Variants in SGIP1 observed in about 807,000 individuals in gnomAD.
SGIP1 encodes the protein SH3-containing GRB2-like protein 3-interacting protein 1.
SGIP1 carries 38 observed loss-of-function variants against 107.5 expected under a neutral mutation model. The ratio of observed to expected loss-of-function variants is 0.35; its 90% CI spans 0.27 to 0.46. SGIP1 has a LOEUF of 0.46. Among genes scored for constraint, SGIP1 ranks in the 20% least tolerant of loss-of-function variants. The pLI is 1.00. For missense variants in SGIP1, 929 were observed against 1,019.5 expected (o/e 0.91, Z 1.21); for synonymous variants, 365 against 366.1 (o/e 1.00, Z 0.03).
chr1:66,559,136 A>G (rs1315276712), intron 1 of SGIP1, among the ~76,000 whole-genome samples: 1 of 152,026 alleles, frequency 6.6e-6, no homozygotes, highest in Non-Finnish European at 1.5e-5. Context: ...ATGCTTCTTC[A>G]AATTTTGTGT....
rs557667635 is a variant in SGIP1 at position 66,748,832 on chromosome 1, T to G, written c.*5737T>G. ...GTCCTATACTATAATTCTCTCTCCT[T>G]GGACATTGACAATAAATGTTAGTGT... On this transcript the variant is annotated 3_prime_UTR_variant, in exon 25 of 25. Coordinates refer to ENST00000371037, the MANE Select transcript of SGIP1 (RefSeq NM_032291.4). Among the ~76,000 whole-genome samples, 1 of 152,124 alleles carries G rather than the reference T, an allele frequency of 6.6e-6. No homozygotes were observed. Among genetic ancestry groups the G allele is most frequent in the East Asian group, 1.9e-4 (1 of 5,186 alleles).
chr1:66,723,124 T>C (rs1572261908), intron 19 of SGIP1, among the ~76,000 whole-genome samples: 2 of 152,320 alleles, frequency 1.3e-5, no homozygotes, highest in East Asian at 3.9e-4. Context: ...TAATTGCTCT[T>C]CCTTTATCAC....
chr1:66,678,161 A>G (rs992870122), intron 13 of SGIP1, among the ~76,000 whole-genome samples: 1 of 152,234 alleles, frequency 6.6e-6, no homozygotes, highest in Non-Finnish European at 1.5e-5. Context: ...ATGATTTTGA[A>G]TGTTTTCCCC....
chr1:66,624,326 A>T (rs941914689), intron 1 of SGIP1, among the ~76,000 whole-genome samples: 5 of 152,230 alleles, frequency 3.3e-5, no homozygotes, highest in Non-Finnish European at 7.3e-5. Flanking sequence ...GAAGTTTTTA[A>T]TAAACAAAAT....
chr1:66,660,850 C>T (rs925545340), intron 8 of SGIP1, among the ~76,000 whole-genome samples: 1 of 152,168 alleles, frequency 6.6e-6, no homozygotes, highest in African/African-American at 2.4e-5. Flanking sequence ...AGTCAAGCTA[C>T]TTATACATAT....
intron 1 of SGIP1, among the ~76,000 whole-genome samples, chr1:66,614,748 C>T (rs2068795396): frequency 6.6e-6 from 1 of 151,474 alleles, no homozygotes. Context: ...TACCTCTCTG[C>T]CTCCACATGG....
chr1:66,556,933 G>T (rs1198459736), intron 1 of SGIP1, among the ~76,000 whole-genome samples: 1 of 152,082 alleles, frequency 6.6e-6, no homozygotes, highest in Non-Finnish European at 1.5e-5. Context: ...TATGTTTTCT[G>T]AATTCTTGCT....
chr1:66,584,941 C>T (rs941870307), intron 1 of SGIP1, among the ~76,000 whole-genome samples: 2 of 152,112 alleles, frequency 1.3e-5, no homozygotes, highest in East Asian at 1.9e-4. Context: ...GCTAAGTATA[C>T]CACCCTTCTC....
At chr1:66,672,684 C>T (rs10889641) in intron 11 of SGIP1, among the ~76,000 whole-genome samples, 100,995 of 151,914 alleles carry the variant, frequency 0.66, 34,695 homozygotes, top group East Asian at 1. Flanking sequence ...GAGTAATAAT[C>T]AAGAGAAGGG....
Position 66,724,037 on chromosome 1 carries a change from G to A in SGIP1, c.1742+4632G>A, listed in dbSNP as rs542441530. 6.6e-5 allele frequency among the ~76,000 whole-genome samples: 10 copies of A among 152,300 alleles called. No individual in the cohort carries two copies. The South Asian group carries it at 2.1e-3, about 32-fold the overall frequency. The stretch of plus-strand genomic sequence containing the variant: ...TAAGCCAAAGAAAGGGAATTGTAAA[G>A]AAAAGAAGAGAAGCTACATCTACAC... On this transcript the variant is annotated intron_variant, in intron 19 of 24. Transcript: ENST00000371037.
intron 13 of SGIP1, among the ~76,000 whole-genome samples, chr1:66,678,226 G>T (rs942833455): frequency 6.6e-6 from 1 of 152,170 alleles, no homozygotes; most frequent in Non-Finnish European, 1.5e-5. Flanking sequence ...TTTCTTTACA[G>T]ACCTGAGCTA....
chr1:66,642,818 T>G lies in SGIP1; in HGVS notation c.237T>G (p.Pro79=), dbSNP rs761880751. The G allele has an allele frequency of 6.2e-6, 10 of 1,612,246 alleles. No homozygotes were observed. The highest frequency in any genetic ancestry group is 1.3e-5 in the African/African-American group (1 of 74,960). ...AEIDWERYNS[P]ELDEEGYSIR... ...GCACTTGTGTTTTATAGAACTCACCTGAGCTGGATGAAGAAGGCTACAGCA... is the reference window on the plus strand; with the variant it reads ...GCACTTGTGTTTTATAGAACTCACCGGAGCTGGATGAAGAAGGCTACAGCA... Residue 79 remains proline (P), a synonymous_variant, in exon 6 of 25, where the codon CCT becomes CCG. Coordinates refer to ENST00000371037, the MANE Select transcript of SGIP1 (RefSeq NM_032291.4).
intron 18 of SGIP1, among the ~76,000 whole-genome samples, chr1:66,705,700 A>G (rs1191541370): frequency 1.3e-5 from 2 of 152,158 alleles, no homozygotes; most frequent in African/African-American, 4.8e-5. Context: ...GCTCAAAATT[A>G]CCAGCATCCA....
intron 1 of SGIP1, among the ~76,000 whole-genome samples, chr1:66,553,281 C>T (rs140504261): frequency 4.2e-4 from 64 of 152,238 alleles, no homozygotes; most frequent in African/African-American, 1.5e-3. Flanking sequence ...ACCCTCAAAG[C>T]CAGCTGCATA....
intron 8 of SGIP1, among the ~76,000 whole-genome samples, chr1:66,665,136 C>G (rs118025265): frequency 4.6e-5 from 7 of 152,116 alleles, no homozygotes; most frequent in African/African-American, 1.7e-4. Flanking sequence ...CACCACCCCA[C>G]GACAGGTCCT....
At position 66,750,622 on chromosome 1, in the gene SGIP1, T is replaced by C. The variant is rs887387792; in HGVS notation, c.*7527T>C. Among the ~76,000 whole-genome samples, 5 of 152,218 alleles carry C rather than the reference T, an allele frequency of 3.3e-5. No individual in the cohort carries two copies. The highest frequency in any genetic ancestry group is 2.6e-4 in the Admixed American group (4 of 15,288). On this transcript the variant is annotated 3_prime_UTR_variant, in exon 25 of 25. Coordinates refer to ENST00000371037, the MANE Select transcript of SGIP1 (RefSeq NM_032291.4). ...TAAAATACTCAAGATACTTTCAAAA[T>C]TTAGTCAAAATGTTGATTCCCAGCC...
At chr1:66,681,823 AAAT>A in intron 14 of SGIP1, 43 bp from the exon 15 acceptor site, 6 of 1,557,694 alleles carry the variant, frequency 3.9e-6, no homozygotes, top group East Asian at 2.3e-5. Flanking sequence ...CTCCCCACAC[AAAT>A]AATAAGTCAA....
chr1:66,673,534 A>G (rs549929216), intron 12 of SGIP1, among the ~76,000 whole-genome samples, 168 bp downstream of exon 12: 9 of 152,326 alleles, frequency 5.9e-5, no homozygotes, highest in Non-Finnish European at 1.5e-5. Context: ...TTAGTTTGAA[A>G]ATCTCTATTA....
chr1:66,596,259 T>G (rs2064664667), intron 1 of SGIP1, among the ~76,000 whole-genome samples: 1 of 151,740 alleles, frequency 6.6e-6, no homozygotes, highest in East Asian at 1.9e-4. Context: ...GACATTGAAG[T>G]ATAAAGAGGG....
Sources: allele counts gnomAD v4.1 joint callset (sites outside exome capture counted in the v4.1 genomes callset), GRCh38; gene constraint gnomAD v4.1.1; transcripts MANE v1.5; gene names NCBI Gene and HGNC (gene_info 2026-07-23, HGNC 2026-07-21).